Variants in CSMD3 observed in about 807,000 individuals in gnomAD.
CSMD3 encodes CUB and sushi domain-containing protein 3.
A neutral mutation model predicts 435.2 loss-of-function variants in CSMD3; 177 were observed. The ratio of observed to expected loss-of-function variants is 0.41; its 90% CI spans 0.36 to 0.46. The LOEUF (loss-of-function observed/expected upper bound fraction) is 0.46. CSMD3 is among the 20% of genes least tolerant of loss of function. The pLI, the probability that CSMD3 is intolerant of heterozygous loss-of-function variation, is 0.34. For synonymous variants in CSMD3, 1,656 were observed against 1,520.5 expected (o/e 1.09, Z -2.07); for missense variants, 4,265 against 4,504.6 (o/e 0.95, Z 1.52).
At chr8:112,501,362 G>T (rs1160279390) in intron 30 of CSMD3, among the ~76,000 whole-genome samples, 1 of 150,122 alleles carries the variant, frequency 6.7e-6, no homozygotes, top group Non-Finnish European at 1.5e-5. Context: ...GCTGCACTCC[G>T]GCCTGAGTGA....
intron 11 of CSMD3, among the ~76,000 whole-genome samples, chr8:112,832,540 A>C (rs1294051886): frequency 6.6e-6 from 1 of 152,184 alleles, no homozygotes; most frequent in Non-Finnish European, 1.5e-5. Context: ...CCTTGAAGAT[A>C]CAAACTGCCA....
chr8:112,859,294 T>C (rs2080757718), intron 10 of CSMD3, 28 bp from the exon 11 acceptor site: 3 of 1,593,090 alleles, frequency 1.9e-6, no homozygotes, highest in Admixed American at 3.4e-5. Flanking sequence ...TTTTAAAAGA[T>C]GAACATATGT....
intron 23 of CSMD3, among the ~76,000 whole-genome samples, chr8:112,585,040 G>A (rs978964050): frequency 4.6e-5 from 7 of 151,392 alleles, no homozygotes; most frequent in Admixed American, 2.0e-4. Flanking sequence ...ATGGTTTCTC[G>A]TTGGATTAAT....
chr8:112,672,309 T>C (rs2075676000), intron 16 of CSMD3, among the ~76,000 whole-genome samples: 1 of 152,104 alleles, frequency 6.6e-6, no homozygotes, highest in Non-Finnish European at 1.5e-5. Context: ...GTGGTTCTTG[T>C]TGTTACAACT....
chr8:113,182,493 C>A (rs2092435149), intron 3 of CSMD3, among the ~76,000 whole-genome samples: 1 of 149,036 alleles, frequency 6.7e-6, no homozygotes, highest in Admixed American at 6.7e-5. Flanking sequence ...GTTTTAGGGT[C>A]AATGCTAAGC....
chr8:112,460,739 A>G (rs539066315), intron 32 of CSMD3, among the ~76,000 whole-genome samples: 35 of 152,294 alleles, frequency 2.3e-4, no homozygotes, highest in Admixed American at 2.0e-4. Flanking sequence ...TGAAACTTTG[A>G]TAGTTAGTCT....
At chr8:112,345,942 T>G (rs1429258806) in intron 41 of CSMD3, among the ~76,000 whole-genome samples, 155 bp downstream of exon 41, 1 of 152,200 alleles carries the variant, frequency 6.6e-6, no homozygotes, top group Non-Finnish European at 1.5e-5. Flanking sequence ...CAACAATTAT[T>G]TAAATTTCAC....
chr8:113,372,713 C>G (rs2094353755), intron 1 of CSMD3, among the ~76,000 whole-genome samples: 1 of 152,044 alleles, frequency 6.6e-6, no homozygotes. Context: ...GCGGGTGGAT[C>G]ATGAGGTCAG....
At chr8:113,184,598 A>C (rs2092471532) in intron 3 of CSMD3, among the ~76,000 whole-genome samples, 1 of 152,086 alleles carries the variant, frequency 6.6e-6, no homozygotes, top group Non-Finnish European at 1.5e-5. Flanking sequence ...CAGATCCCTT[A>C]CATCAAAAAG....
In CSMD3 at chr8:113,373,888, C is replaced by G. The variant is rs79494147; in HGVS notation, c.179-59095G>C. 8.7e-3 allele frequency among the ~76,000 whole-genome samples: 1,326 copies of G among 152,152 alleles called. 18 individuals carry two copies. The highest frequency in any genetic ancestry group is 0.03 in the African/African-American group (1,241 of 41,530). On this transcript the variant is annotated intron_variant, in intron 1 of 70. Transcript: ENST00000297405. ...GGAGAGTTGTCCATATTCTTTATAT[C>G]TCAATTTCAGTAAATGTATATGAAA...
At chr8:112,927,284 C>A (rs1447769477) in intron 9 of CSMD3, among the ~76,000 whole-genome samples, 7 of 149,570 alleles carry the variant, frequency 4.7e-5, no homozygotes, top group East Asian at 2.0e-4. Context: ...ACCACTTAAG[C>A]TCTACACTGT....
intron 22 of CSMD3, among the ~76,000 whole-genome samples, chr8:112,611,222 T>C (rs1314092222): frequency 3.3e-5 from 5 of 152,160 alleles, no homozygotes; most frequent in African/African-American, 1.2e-4. Context: ...CATCTGTGAA[T>C]ACAAAAATTA....
chr8:112,301,756 G>A, intron 53 of CSMD3, 37 bp downstream of exon 53: 1 of 1,524,930 alleles, frequency 6.6e-7, no homozygotes, highest in Non-Finnish European at 9.1e-7. Context: ...GTGAGGGGCA[G>A]GGGGAAGTTT....
At chr8:112,444,550 A>T (rs1563541868) in intron 32 of CSMD3, among the ~76,000 whole-genome samples, 1 of 152,250 alleles carries the variant, frequency 6.6e-6, no homozygotes, top group Admixed American at 6.5e-5. Context: ...CTCCTGATGC[A>T]CACAATAACA....
At chr8:112,712,619 T>C (rs1018023602) in intron 13 of CSMD3, among the ~76,000 whole-genome samples, 3 of 152,060 alleles carry the variant, frequency 2.0e-5, no homozygotes, top group Non-Finnish European at 2.9e-5. Context: ...GTTTTGACTT[T>C]TGGGGTATAT....
At chr8:112,702,163 AT>A (rs1291663647) in intron 13 of CSMD3, among the ~76,000 whole-genome samples, 1 of 152,112 alleles carries the variant, frequency 6.6e-6, no homozygotes, top group East Asian at 1.9e-4. Flanking sequence ...CTTACATTTA[AT>A]CCTGACACAG....
At chr8:112,226,355 C>A (rs538645624) in intron 70 of CSMD3, among the ~76,000 whole-genome samples, 1 of 151,934 alleles carries the variant, frequency 6.6e-6, no homozygotes, top group Non-Finnish European at 1.5e-5. Flanking sequence ...ATAATTGCCC[C>A]TTCTTAATAT....
At chr8:113,372,367 G>A (rs187233718) in intron 1 of CSMD3, among the ~76,000 whole-genome samples, 1 of 152,242 alleles carries the variant, frequency 6.6e-6, no homozygotes, top group Non-Finnish European at 1.5e-5. Flanking sequence ...AGCTACAGGG[G>A]ATAAATATGA....
At chr8:113,187,799 C>T (rs2092529778) in intron 3 of CSMD3, among the ~76,000 whole-genome samples, 1 of 151,916 alleles carries the variant, frequency 6.6e-6, no homozygotes, top group South Asian at 2.1e-4. Context: ...CTACACAATT[C>T]TTCTGTGTCC....
Sources: allele counts gnomAD v4.1 joint callset (sites outside exome capture counted in the v4.1 genomes callset), GRCh38; gene constraint gnomAD v4.1.1; transcripts MANE v1.5; gene names NCBI Gene and HGNC (gene_info 2026-07-23, HGNC 2026-07-21).